The following SYNPR variants were observed in gnomAD, a reference collection of about 807,000 sequenced individuals.
SYNPR encodes synaptoporin.
Under a neutral mutation model 32.9 loss-of-function variants are expected in SYNPR, and 23 were observed. The ratio of observed to expected loss-of-function variants is 0.70; its 90% CI spans 0.50 to 0.99. SYNPR has a LOEUF of 0.99. Among genes scored for constraint, SYNPR ranks in the 50% least tolerant of loss-of-function variants. The pLI is 0.00. For missense variants in SYNPR, 318 were observed against 349.3 expected, an observed-to-expected ratio of 0.91 and a Z score of 0.71; for synonymous variants, 146 against 135.9, an observed-to-expected ratio of 1.07 and a Z score of -0.52.
chr3:63,224,554 A>G (rs1257983849), upstream of SYNPR, among the ~76,000 whole-genome samples: 1 of 152,220 alleles, frequency 6.6e-6, no homozygotes, highest in East Asian at 1.9e-4. Context: ...GGGACAACCT[A>G]CATTTTTTAA....
chr3:63,258,758 C>A (rs141576596), intron 2 of SYNPR, among the ~76,000 whole-genome samples: 128 of 152,192 alleles, frequency 8.4e-4, no homozygotes, highest in Non-Finnish European at 1.6e-3. Context: ...ACAAAACATC[C>A]TTCAAAAAAA....
At chr3:63,292,904 A>C (rs2086754451) in intron 2 of SYNPR, among the ~76,000 whole-genome samples, 1 of 152,220 alleles carries the variant, frequency 6.6e-6, no homozygotes, top group African/African-American at 2.4e-5. Flanking sequence ...GTGGTTGGCA[A>C]GGAAAGAATG....
intron 2 of SYNPR, among the ~76,000 whole-genome samples, chr3:63,266,267 A>G (rs756327431): frequency 6.6e-6 from 1 of 151,908 alleles, no homozygotes. Context: ...TTTTAGCACC[A>G]TTGCCCTGTT....
chr3:63,435,923 G>A (rs190500437), intron 2 of SYNPR, among the ~76,000 whole-genome samples: 15 of 152,212 alleles, frequency 9.9e-5, no homozygotes, highest in East Asian at 7.7e-4. Context: ...TACCAGGCCC[G>A]TAAGTTCCTG....
At position 63,240,445 on chromosome 3, in the gene SYNPR, G is replaced by A. The variant is rs557398865; in HGVS notation, n.67-12054G>A. 2.0e-5 allele frequency among the ~76,000 whole-genome samples: 3 copies of A among 152,206 alleles called. No homozygotes were observed. The East Asian group carries it at 5.8e-4, about 29-fold the overall frequency. On this transcript the variant is annotated intron_variant and non_coding_transcript_variant, in intron 1 of 4. Coordinates refer to the SYNPR transcript ENST00000478456. The stretch of plus-strand genomic sequence containing the variant: ...CATGAGAAGGGAGAGGCTTTTTCCT[G>A]TGGCTAATGATCTGTGCTCTTGCTA...
intron 3 of SYNPR, among the ~76,000 whole-genome samples, chr3:63,497,678 A>G (rs1701398721): frequency 6.6e-6 from 1 of 152,102 alleles, no homozygotes; most frequent in South Asian, 2.1e-4. Context: ...CTGCAGAGTG[A>G]ATATTCTTTA....
At chr3:63,256,308 G>A (rs1292474756) in intron 2 of SYNPR, among the ~76,000 whole-genome samples, 1 of 152,198 alleles carries the variant, frequency 6.6e-6, no homozygotes, top group Non-Finnish European at 1.5e-5. Flanking sequence ...GCCTAACTGG[G>A]AGGCACCCCC....
chr3:63,525,029 T>C (rs1458749825), intron 3 of SYNPR, among the ~76,000 whole-genome samples: 3 of 152,030 alleles, frequency 2.0e-5, no homozygotes, highest in African/African-American at 7.2e-5. Flanking sequence ...TGACCATAGC[T>C]AGATTCAGAT....
At position 63,597,439 on chromosome 3, in the gene SYNPR, G is replaced by GA. The variant is rs1325702202; in HGVS notation, c.409-11680dup. ...GAGCCTGGAGCCAGTTTTCTTTGAC[G>GA]AAAAAACATGAAAAGATGAGCACTT... On this transcript the variant is annotated intron_variant, in intron 4 of 5. Transcript: ENST00000478300. Among the ~76,000 whole-genome samples the GA allele has an allele frequency of 2.6e-5, 4 of 152,182 alleles. No individual in the cohort carries two copies. The East Asian group carries it at 5.8e-4, about 22-fold the overall frequency.
At position 63,609,347 on chromosome 3, in the gene SYNPR, C is replaced by T; in HGVS notation, c.600+31C>T. ...TATTTTTCATCTATGCTTTACTGTTCATATCTTTGTTTGCCAGTCAAAATA... is the reference window on the plus strand; with the variant it reads ...TATTTTTCATCTATGCTTTACTGTTTATATCTTTGTTTGCCAGTCAAAATA... On this transcript the variant is annotated intron_variant, in intron 5 of 5. Coordinates refer to ENST00000478300, the MANE Select transcript of SYNPR (RefSeq NM_001130003.2). The T allele has an allele frequency of 2.8e-6, 4 of 1,452,160 alleles. 1 individual carries two copies. The highest frequency in any genetic ancestry group is 1.8e-4 in the Middle Eastern group (1 of 5,632). 90.0% of individuals were successfully genotyped at this position (1,452,160 alleles called of 1,614,324 possible).
intron 2 of SYNPR, among the ~76,000 whole-genome samples, chr3:63,380,539 G>C (rs555403246): frequency 6.6e-6 from 1 of 151,996 alleles, no homozygotes; most frequent in African/African-American, 2.4e-5. Context: ...GGTGTTGTTT[G>C]TTTTTTTCTT....
chr3:63,276,080 A>G (rs750387800), upstream of SYNPR, among the ~76,000 whole-genome samples: 121 of 152,280 alleles, frequency 7.9e-4, 2 homozygotes, highest in Non-Finnish European at 1.4e-3. Flanking sequence ...AGATCTGCCT[A>G]TGTCATCCTT....
chr3:63,538,239 C>G (rs1050128264), intron 3 of SYNPR, among the ~76,000 whole-genome samples: 2 of 152,008 alleles, frequency 1.3e-5, no homozygotes, highest in African/African-American at 4.8e-5. Flanking sequence ...GTAAACAAAA[C>G]AAACCCTGAA....
chr3:63,503,564 G>C (rs990635115), intron 3 of SYNPR, among the ~76,000 whole-genome samples: 2 of 151,892 alleles, frequency 1.3e-5, no homozygotes, highest in Non-Finnish European at 2.9e-5. Flanking sequence ...ACTGTTTTTT[G>C]TTTGTTAAAG....
At chr3:63,603,954 T>C (rs993144311) in intron 4 of SYNPR, among the ~76,000 whole-genome samples, 3 of 152,130 alleles carry the variant, frequency 2.0e-5, no homozygotes, top group African/African-American at 7.2e-5. Flanking sequence ...TCTGGTAGAG[T>C]TTGGCTGTGA....
chr3:63,545,224 T>C (rs1355594423), intron 3 of SYNPR, among the ~76,000 whole-genome samples: 2 of 152,082 alleles, frequency 1.3e-5, no homozygotes, highest in Non-Finnish European at 2.9e-5. Context: ...TTTTATCATG[T>C]TGGACAAAAT....
rs184073413 is a variant in SYNPR, at chr3:63,441,259, G to A, written c.85-39573G>A. Among the ~76,000 whole-genome samples the A allele has an allele frequency of 1.2e-4, 18 of 152,332 alleles. No individual in the cohort carries two copies. The East Asian group carries it at 3.3e-3, about 28-fold the overall frequency. On this transcript the variant is annotated intron_variant, in intron 2 of 5. Transcript: ENST00000478300. ...CACATAGAATAGTATCTGGCAAGGA[G>A]TAAATATTCAAGAAATCTTCACTAT...
At chr3:63,577,800 G>A (rs1233433270) in intron 4 of SYNPR, among the ~76,000 whole-genome samples, 4 of 152,216 alleles carry the variant, frequency 2.6e-5, no homozygotes, top group Non-Finnish European at 4.4e-5. Flanking sequence ...TGTTTCCAAG[G>A]CATGATGAAT....
chr3:63,214,365 G>A, the SYNPR span, among the ~76,000 whole-genome samples: 1 of 38,434 alleles, frequency 2.6e-5, no homozygotes, highest in Non-Finnish European at 6.1e-5. Flanking sequence ...GTAAACTATT[G>A]ATTATTGCCA....
Sources: gnomAD v4.1 joint callset for allele counts (sites outside exome capture counted in the v4.1 genomes callset) on GRCh38, gnomAD v4.1.1 for gene constraint, MANE v1.5 for transcripts, NCBI Gene and HGNC (gene_info 2026-07-23, HGNC 2026-07-21) for gene names.